Variants in HELZ observed in about 807,000 individuals in gnomAD.
HELZ encodes helicase with zinc finger.
A neutral mutation model predicts 218.2 loss-of-function variants in HELZ; 23 were observed. The observed-to-expected ratio is 0.11, with a 90% CI of 0.08 to 0.15. HELZ has a LOEUF of 0.15. Among genes scored for constraint, HELZ ranks in the 10% least tolerant of loss-of-function variants. The probability of loss-of-function intolerance (pLI) is 1.00; values close to 1 mark genes in which losing one functional copy is unlikely to be tolerated. For missense variants in HELZ, 1,813 were observed against 2,353.7 expected, an observed-to-expected ratio of 0.77 and a Z score of 4.75; for synonymous variants, 814 against 829.4, an observed-to-expected ratio of 0.98 and a Z score of 0.32.
At chr17:67,137,732 T>C (rs142160694) in intron 22 of HELZ, among the ~76,000 whole-genome samples, 199 bp downstream of exon 22, 448 of 152,350 alleles carry the variant, frequency 2.9e-3, no homozygotes, top group African/African-American at 0.01. Flanking sequence ...TATTTGTTAA[T>C]ACTTATTTTA....
At chr17:67,125,152 G>C (rs1456519615) in intron 24 of HELZ, among the ~76,000 whole-genome samples, 1 of 150,684 alleles carries the variant, frequency 6.6e-6, no homozygotes, top group Non-Finnish European at 1.5e-5. Flanking sequence ...AGGTCAATTG[G>C]TTATGAGTGA....
intron 3 of HELZ, among the ~76,000 whole-genome samples, chr17:67,228,882 C>G (rs2040963672): frequency 6.6e-6 from 1 of 152,054 alleles, no homozygotes; most frequent in Non-Finnish European, 1.5e-5. Context: ...CCACACCAGG[C>G]TAATTTTGTA....
chr17:67,127,947 A>G (rs1407287659), intron 24 of HELZ, among the ~76,000 whole-genome samples: 1 of 151,976 alleles, frequency 6.6e-6, no homozygotes, highest in African/African-American at 2.4e-5. Flanking sequence ...AATATCAAAG[A>G]AAAAAAACAG....
chr17:67,107,202 T>C lies in HELZ; in HGVS notation c.5208A>G (p.Thr1736=). The C allele has an allele frequency of 1.2e-6, 2 of 1,614,126 alleles. No individual in the cohort carries two copies. Among genetic ancestry groups the C allele is most frequent in the Non-Finnish European group, 1.7e-6 (2 of 1,179,970 alleles). ...QEPFHPLSSR[T]VSSSSLPSLE... is the part of the protein sequence containing the mutation. ...AGCTAGGGAGCGAAGAAGAAGATAC[T>C]GTTCGAGATGACAATGGGTGAAATG... Residue 1736 remains threonine (T), a synonymous_variant, in exon 31 of 33, where the codon ACA becomes ACG. Transcript: ENST00000358691.
chr17:67,143,613 A>G lies in HELZ; in HGVS notation c.2769+2130T>C, dbSNP rs544552562. ...GACAAAGAGAGACTCTGTCTCAAAA[A>G]AACAAAGAAAAAAAAAAAACATATC... On this transcript the variant is annotated intron_variant, in intron 21 of 32. Coordinates refer to ENST00000358691, the MANE Select transcript of HELZ (RefSeq NM_014877.4). Among the ~76,000 whole-genome samples the G allele has an allele frequency of 5.3e-5, 8 of 152,052 alleles. No homozygotes were observed. The East Asian group carries it at 1.5e-3, about 29-fold the overall frequency.
At chr17:67,133,008 A>AG (rs1198730385) in intron 23 of HELZ, among the ~76,000 whole-genome samples, 1 of 152,234 alleles carries the variant, frequency 6.6e-6, no homozygotes, top group Non-Finnish European at 1.5e-5. Flanking sequence ...CTGTGAGAGT[A>AG]AATTAATATC....
intron 3 of HELZ, among the ~76,000 whole-genome samples, chr17:67,232,052 CAAAAAAAAAAA>C (rs754429326): frequency 0.016 from 668 of 42,492 alleles, 12 homozygotes; most frequent in African/African-American, 0.043. Context: ...GACTCCATCT[CAAAAAAAAAAA>C]AAAAAAAAAA....
At chr17:67,094,538 G>A (rs999312430) in intron 31 of HELZ, among the ~76,000 whole-genome samples, 2 of 152,094 alleles carry the variant, frequency 1.3e-5, no homozygotes, top group African/African-American at 2.4e-5. Context: ...TGTGAGTCAC[G>A]TAAATTTTTT....
intron 27 of HELZ, chr17:67,119,926 C>T: frequency 2.5e-6 from 1 of 397,946 alleles, no homozygotes; most frequent in South Asian, 1.8e-5. Flanking sequence ...AATTTTGTGT[C>T]TGTGTACATA....
chr17:67,171,089 C>A (rs1350963582), intron 13 of HELZ, among the ~76,000 whole-genome samples: 2 of 150,922 alleles, frequency 1.3e-5, no homozygotes, highest in African/African-American at 4.9e-5. Flanking sequence ...TGAACTCCCT[C>A]TTCCAAGGAC....
chr17:67,128,790 T>C lies in HELZ; in HGVS notation c.3248A>G (p.Glu1083Gly). 12 of 1,614,118 alleles carry C rather than the reference T, an allele frequency of 7.4e-6. No individual in the cohort carries two copies. The highest frequency in any genetic ancestry group is 1.0e-5 in the Non-Finnish European group (12 of 1,180,000). Residue 1083 changes from glutamate (E) to glycine (G), a missense_variant, in exon 24 of 33, where the codon GAA becomes GGA. Around this residue, in one of 4 missense-constraint regions of HELZ, gnomAD observed 156 missense variants for 274.4 expected, o/e 0.57. Transcript: ENST00000358691. ...AGCCTCTAACTGGGCTTTGATCTGT[T>C]CAAAAGTGATTCCATGTAGGCTACT... The part of the protein sequence containing the change: ...ENSSLHGITF[E>G]QIKAQLEALE...
intron 31 of HELZ, among the ~76,000 whole-genome samples, chr17:67,098,593 A>AAT (rs2036824720): frequency 6.6e-6 from 1 of 151,564 alleles, no homozygotes; most frequent in South Asian, 2.1e-4. Flanking sequence ...AAAAAAGAAA[A>AAT]ATTAGCTGGG....
intron 20 of HELZ, among the ~76,000 whole-genome samples, chr17:67,147,908 G>A (rs2144027096): frequency 6.6e-6 from 1 of 152,244 alleles, no homozygotes; most frequent in East Asian, 1.9e-4. Context: ...CGCACCCAGG[G>A]AGGGCATGCC....
At position 67,107,060 on chromosome 17, in the gene HELZ, A is replaced by C. The variant is rs2037125876; in HGVS notation, c.5241+109T>G. ...TAATTCCCAAGAAAGGATTATCTTT[A>C]ATACGCTGTTAAATTCAATAAGATC... On this transcript the variant is annotated intron_variant, in intron 31 of 32. Coordinates refer to ENST00000358691, the MANE Select transcript of HELZ (RefSeq NM_014877.4). The C allele has an allele frequency of 6.8e-6, 7 of 1,035,324 alleles. No individual in the cohort carries two copies. In the South Asian group the frequency reaches 1.1e-4, roughly 17 times the overall value. The allele number at this position is 1,035,324 out of a possible 1,614,324, so 64.1% of individuals were successfully genotyped here.
chr17:67,146,031 G>A, intron 20 of HELZ, 141 bp from the exon 21 acceptor site: 1 of 709,454 alleles, frequency 1.4e-6, no homozygotes, highest in Middle Eastern at 3.2e-4. Flanking sequence ...TAATACTTGT[G>A]ATACCAAGAA....
rs1167002664 is a variant in HELZ at position 67,207,290 on chromosome 17, G to T, written c.248-3847C>A. ...GGCTGGAGTGCAGTGGCATGATTAG[G>T]CTCACTGCAACCACCGCCTCCTCAG... On this transcript the variant is annotated intron_variant, in intron 5 of 32. Transcript: ENST00000358691. Among the ~76,000 whole-genome samples the T allele has an allele frequency of 3.5e-5, 5 of 144,590 alleles. No individual in the cohort carries two copies. The East Asian group carries it at 1.0e-3, about 30-fold the overall frequency. The allele number at this position is 144,590 out of a possible 152,430, so 94.9% of individuals were successfully genotyped here. A position where few individuals can be genotyped will look rare whatever the true frequency, so the allele number is the denominator to read the frequency against.
At chr17:67,164,347 T>A (rs559541046) in intron 15 of HELZ, among the ~76,000 whole-genome samples, 1 of 152,304 alleles carries the variant, frequency 6.6e-6, no homozygotes, top group South Asian at 2.1e-4. Context: ...GAAGAGAGCA[T>A]ATGAGCTGGA....
chr17:67,212,905 T>G (rs1392399183), intron 5 of HELZ, among the ~76,000 whole-genome samples: 1 of 152,202 alleles, frequency 6.6e-6, no homozygotes, highest in East Asian at 1.9e-4. Context: ...TGCATTCCAT[T>G]CCATACTCCA....
chr17:67,103,455 A>T (rs2036989975), intron 31 of HELZ, among the ~76,000 whole-genome samples: 1 of 152,210 alleles, frequency 6.6e-6, no homozygotes, highest in African/African-American at 2.4e-5. Context: ...AGCAATGAAC[A>T]ATCAAAAAAT....
Sources: gnomAD v4.1 joint callset for allele counts (sites outside exome capture counted in the v4.1 genomes callset) on GRCh38, gnomAD v4.1.1 for gene constraint, gnomAD v4.1.1 regional missense constraint, MANE v1.5 for transcripts, NCBI Gene and HGNC (gene_info 2026-07-23, HGNC 2026-07-21) for gene names.